ZFYVE9: variants seen among roughly 807,000 people sequenced by gnomAD.
ZFYVE9 encodes the protein zinc finger FYVE-type containing 9.
In ZFYVE9, 43 loss-of-function variants were observed where a neutral mutation model predicts 126.7. That is an observed-to-expected ratio of 0.34 (90% CI 0.27 to 0.44). ZFYVE9 has a LOEUF of 0.44. Among genes scored for constraint, ZFYVE9 ranks in the 20% least tolerant of loss-of-function variants. ZFYVE9 has a pLI of 1.00. For synonymous variants in ZFYVE9, 521 were observed against 597.4 expected (o/e 0.87, Z 1.87); for missense variants, 1,476 against 1,697.0 (o/e 0.87, Z 2.29).
At chr1:52,306,567 C>T (rs1646087487) in intron 13 of ZFYVE9, among the ~76,000 whole-genome samples, 1 of 152,234 alleles carries the variant, frequency 6.6e-6, no homozygotes, top group Non-Finnish European at 1.5e-5. Context: ...AGAGCTGTGA[C>T]ACAAACAAGG....
chr1:52,145,333 A>C (rs2124486301), intron 1 of ZFYVE9, among the ~76,000 whole-genome samples: 1 of 152,320 alleles, frequency 6.6e-6, no homozygotes. Context: ...GTAAACTTTT[A>C]TGTGGCACCT....
chr1:52,187,917 G>T (rs1253473800), intron 1 of ZFYVE9, among the ~76,000 whole-genome samples: 1 of 152,164 alleles, frequency 6.6e-6, no homozygotes, highest in East Asian at 1.9e-4. Flanking sequence ...CCCTTGTTTT[G>T]TGATTCCTCA....
intron 1 of ZFYVE9, among the ~76,000 whole-genome samples, chr1:52,158,288 T>C (rs1644421707): frequency 6.6e-6 from 1 of 152,204 alleles, no homozygotes; most frequent in Admixed American, 6.5e-5. Context: ...TTTTGGGGAT[T>C]ATAGTCTCTG....
intron 1 of ZFYVE9, among the ~76,000 whole-genome samples, chr1:52,150,899 A>C (rs1214108101): frequency 6.6e-6 from 1 of 152,136 alleles, no homozygotes; most frequent in Non-Finnish European, 1.5e-5. Context: ...AACAGTCCCT[A>C]AAAGGTAATT....
At chr1:52,335,048 G>A in intron 15 of ZFYVE9, 1 of 247,154 alleles carries the variant, frequency 4.0e-6, no homozygotes, top group Non-Finnish European at 7.9e-6. Flanking sequence ...ATCATTGGGT[G>A]GAAATATTAA....
At chr1:52,188,380 G>A (rs1003683876) in intron 1 of ZFYVE9, among the ~76,000 whole-genome samples, 1 of 152,128 alleles carries the variant, frequency 6.6e-6, no homozygotes, top group Admixed American at 6.5e-5. Context: ...TTAGGTACTA[G>A]GCCTTTACCT....
intron 1 of ZFYVE9, among the ~76,000 whole-genome samples, chr1:52,167,878 G>C (rs1026625828): frequency 6.6e-6 from 1 of 152,224 alleles, no homozygotes; most frequent in African/African-American, 2.4e-5. Flanking sequence ...TTCAGATCCT[G>C]TGAGATGCTT....
At chr1:52,251,060 TTG>T (rs1645441188) in intron 4 of ZFYVE9, among the ~76,000 whole-genome samples, 1 of 100,748 alleles carries the variant, frequency 9.9e-6, no homozygotes, top group Admixed American at 9.2e-5. Flanking sequence ...GTTGTTGTTG[TTG>T]TTTGTTTGTT....
At chr1:52,225,813 C>T (rs1248928731) in intron 2 of ZFYVE9, among the ~76,000 whole-genome samples, 1 of 152,126 alleles carries the variant, frequency 6.6e-6, no homozygotes, top group Non-Finnish European at 1.5e-5. Flanking sequence ...CCAAGAGGTC[C>T]TGATGAAGCA....
chr1:52,170,273 A>G (rs1644554926), intron 1 of ZFYVE9, among the ~76,000 whole-genome samples: 1 of 152,162 alleles, frequency 6.6e-6, no homozygotes, highest in Admixed American at 6.5e-5. Context: ...TTTTCATAGT[A>G]GCCACTCATG....
In ZFYVE9 at chr1:52,337,826, T is replaced by C. The variant is rs1646402438; in HGVS notation, c.3725T>C (p.Leu1242Pro). 1 of 1,614,150 alleles carries C rather than the reference T, an allele frequency of 6.2e-7. No individual in the cohort carries two copies. The highest frequency in any genetic ancestry group is 1.3e-5 in the African/African-American group (1 of 74,962). The change falls in exon 16 of 19, where the codon CTG (leucine) becomes CCG (proline). Residue 1242 changes from leucine (L) to proline (P), a missense_variant. Around this residue, in one of 2 missense-constraint regions of ZFYVE9, gnomAD observed 669 missense variants for 902.4 expected, o/e 0.74. Coordinates refer to ENST00000287727, the MANE Select transcript of ZFYVE9 (RefSeq NM_004799.4). ...AENMDSLRQA[L>P]REMKDFTITC... ...AACATGGATTCCTTGAGGCAGGCACTGCGAGAGATGAAGGACTTCACCATC... is the reference window on the plus strand; with the variant it reads ...AACATGGATTCCTTGAGGCAGGCACCGCGAGAGATGAAGGACTTCACCATC...
At chr1:52,327,605 A>G in intron 13 of ZFYVE9, among the ~76,000 whole-genome samples, 1 of 149,734 alleles carries the variant, frequency 6.7e-6, no homozygotes, top group Non-Finnish European at 1.5e-5. Context: ...TTGTCTCAGA[A>G]AAAAAAAAAG....
intron 4 of ZFYVE9, 29 bp from the exon 5 acceptor site, chr1:52,263,742 TTG>T (rs1446644194): frequency 8.5e-7 from 1 of 1,171,760 alleles, no homozygotes; most frequent in Non-Finnish European, 1.2e-6. Flanking sequence ...CAAGTAAATT[TTG>T]TGTGTTCTTC....
At chr1:52,218,406 A>G (rs1257895246) in intron 2 of ZFYVE9, among the ~76,000 whole-genome samples, 1 of 152,312 alleles carries the variant, frequency 6.6e-6, no homozygotes, top group African/African-American at 2.4e-5. Context: ...CACAAGGTAA[A>G]ATTGGCATCG....
intron 1 of ZFYVE9, chr1:52,180,004 A>T (rs1037629914): frequency 1.1e-6 from 1 of 879,248 alleles, no homozygotes; most frequent in Admixed American, 1.7e-5. Context: ...GAAGAGCTGG[A>T]GGATCGTGAA....
At chr1:52,174,273 T>C (rs1644602387) in intron 1 of ZFYVE9, among the ~76,000 whole-genome samples, 1 of 152,026 alleles carries the variant, frequency 6.6e-6, no homozygotes, top group South Asian at 2.1e-4. Flanking sequence ...CCAGTAGTCA[T>C]TCAGGAGCAG....
chr1:52,167,674 A>T (rs935640572), intron 1 of ZFYVE9, among the ~76,000 whole-genome samples: 12 of 152,156 alleles, frequency 7.9e-5, no homozygotes, highest in African/African-American at 2.9e-4. Flanking sequence ...ACAAATCATC[A>T]ACTGTCATTG....
intron 1 of ZFYVE9, among the ~76,000 whole-genome samples, chr1:52,177,969 G>A (rs1441701417): frequency 6.7e-6 from 1 of 149,036 alleles, no homozygotes; most frequent in Non-Finnish European, 1.5e-5. Flanking sequence ...AGCAGGGCAT[G>A]GGGAACCAAT....
At position 52,338,611 on chromosome 1, in the gene ZFYVE9, T is replaced by G. The variant is rs60929315; in HGVS notation, c.3833+677T>G. Among the ~76,000 whole-genome samples the G allele has an allele frequency of 2.5e-3, 379 of 152,360 alleles. 13 individuals are homozygous for G. The South Asian group carries it at 0.044, about 18-fold the overall frequency. ...AGGGTGCTCTTTTTTTGTTTTGTTT[T>G]TAACATTGCTATTTGATGAATTAGA... is the stretch of plus-strand genomic sequence containing the variant. On this transcript the variant is annotated intron_variant, in intron 16 of 18. Transcript: ENST00000287727.
Sources: allele counts gnomAD v4.1 joint callset (sites outside exome capture counted in the v4.1 genomes callset), GRCh38; gene constraint gnomAD v4.1.1; regional missense constraint gnomAD v4.1.1; transcripts MANE v1.5; gene names NCBI Gene and HGNC (gene_info 2026-07-23, HGNC 2026-07-21).